The following RAB38 variants were observed in gnomAD, a reference collection of about 807,000 sequenced individuals.
RAB38 encodes the protein ras-related protein Rab-38.
Under a neutral mutation model 18.4 loss-of-function variants are expected in RAB38, and 15 were observed. That is an observed-to-expected ratio of 0.82 (90% CI 0.55 to 1.26). The LOEUF (loss-of-function observed/expected upper bound fraction) is 1.26, where lower values mean the gene tolerates loss of function less well. Among genes scored for constraint, RAB38 ranks in the 50% most tolerant of loss-of-function variants. The pLI, the probability that RAB38 is intolerant of heterozygous loss-of-function variation, is 0.00. For missense variants in RAB38, 294 were observed against 267.4 expected, an observed-to-expected ratio of 1.10 and a Z score of -0.69; for synonymous variants, 101 against 104.4, an observed-to-expected ratio of 0.97 and a Z score of 0.20.
At chr11:87,977,355 T>C in the RAB38 span, among the ~76,000 whole-genome samples, 222 of 114,534 alleles carry the variant, frequency 1.9e-3, 3 homozygotes, top group East Asian at 5.0e-3. Flanking sequence ...ATATATTATA[T>C]AAGTATATTA....
the RAB38 span, among the ~76,000 whole-genome samples, chr11:88,053,789 A>C: frequency 1.4e-5 from 2 of 147,800 alleles, no homozygotes; most frequent in Non-Finnish European, 3.0e-5. Context: ...AAAGGACTTA[A>C]GCTTTTTTTT....
the RAB38 span, among the ~76,000 whole-genome samples, chr11:88,030,287 A>G: frequency 6.6e-6 from 1 of 152,232 alleles, no homozygotes; most frequent in Non-Finnish European, 1.5e-5. Context: ...GAGAGATCTA[A>G]AATTGTCAAC....
chr11:88,027,512 C>G, the RAB38 span, among the ~76,000 whole-genome samples: 45 of 152,324 alleles, frequency 3.0e-4, no homozygotes, highest in African/African-American at 1.1e-3. Flanking sequence ...TTGGGTCACT[C>G]CCACCTGAAT....
chr11:87,857,833 G>A, the RAB38 span, among the ~76,000 whole-genome samples: 4 of 151,882 alleles, frequency 2.6e-5, no homozygotes, highest in African/African-American at 4.8e-5. Context: ...CTCTGATGGT[G>A]GTTTCTTTTG....
At chr11:88,163,476 T>C (rs1481931201) in intron 1 of RAB38, among the ~76,000 whole-genome samples, 1 of 152,118 alleles carries the variant, frequency 6.6e-6, no homozygotes, top group Non-Finnish European at 1.5e-5. Context: ...CAAACTCTTT[T>C]AGCAATTTCC....
chr11:88,126,520 G>A (rs545275280), intron 2 of RAB38, among the ~76,000 whole-genome samples: 1 of 152,080 alleles, frequency 6.6e-6, no homozygotes, highest in Non-Finnish European at 1.5e-5. Flanking sequence ...TTGGACCCAG[G>A]AAGGGGAACA....
At chr11:87,835,333 T>C in the RAB38 span, among the ~76,000 whole-genome samples, 53 of 152,104 alleles carry the variant, frequency 3.5e-4, no homozygotes, top group African/African-American at 1.2e-3. Flanking sequence ...CTGGCTATAC[T>C]TGTGGTCACT....
the RAB38 span, among the ~76,000 whole-genome samples, chr11:88,032,316 A>T: frequency 6.6e-6 from 1 of 152,258 alleles, no homozygotes; most frequent in Non-Finnish European, 1.5e-5. Context: ...GGACATAGGC[A>T]TGGGCAAGGA....
chr11:87,977,417 A>C, the RAB38 span, among the ~76,000 whole-genome samples: 1 of 110,922 alleles, frequency 9.0e-6, no homozygotes, highest in Non-Finnish European at 1.7e-5. Context: ...TATAAAATAT[A>C]ATTATATTAT....
At chr11:88,124,559 T>C (rs1436481482) in intron 2 of RAB38, among the ~76,000 whole-genome samples, 1 of 152,158 alleles carries the variant, frequency 6.6e-6, no homozygotes, top group Non-Finnish European at 1.5e-5. Context: ...AGATACTAGC[T>C]AACTACCAAA....
At chr11:88,075,028 T>C in the RAB38 span, among the ~76,000 whole-genome samples, 1 of 152,166 alleles carries the variant, frequency 6.6e-6, no homozygotes. Context: ...ATCTATGTAC[T>C]AAACCCTGGA....
the RAB38 span, among the ~76,000 whole-genome samples, chr11:87,955,543 G>GACTT: frequency 6.6e-6 from 1 of 152,112 alleles, no homozygotes; most frequent in African/African-American, 2.4e-5. Flanking sequence ...TAGACAATAT[G>GACTT]ACTTATCCTA....
At chr11:87,847,736 C>T in the RAB38 span, among the ~76,000 whole-genome samples, 1,068 of 151,998 alleles carry the variant, frequency 7.0e-3, 13 homozygotes, top group African/African-American at 0.024. Context: ...CTTGTTATGA[C>T]GATCAATTTA....
At chr11:88,014,179 A>G in the RAB38 span, among the ~76,000 whole-genome samples, 5 of 152,118 alleles carry the variant, frequency 3.3e-5, no homozygotes, top group Non-Finnish European at 7.4e-5. Flanking sequence ...TTACTTATAT[A>G]TACTGTCTTA....
chr11:88,057,475 A>C, the RAB38 span, among the ~76,000 whole-genome samples: 2 of 152,020 alleles, frequency 1.3e-5, no homozygotes, highest in Non-Finnish European at 2.9e-5. Flanking sequence ...AAAAAAAAAA[A>C]TGAGGGAAAA....
chr11:87,952,463 C>T, the RAB38 span, among the ~76,000 whole-genome samples: 7 of 152,172 alleles, frequency 4.6e-5, no homozygotes, highest in Admixed American at 1.3e-4. Flanking sequence ...CCACATTCTC[C>T]TCTTAACTTC....
the RAB38 span, among the ~76,000 whole-genome samples, chr11:88,064,459 C>A: frequency 4.6e-3 from 698 of 152,320 alleles, 3 homozygotes; most frequent in African/African-American, 0.016. Flanking sequence ...CTCACCCACA[C>A]AATCGCAAGT....
the RAB38 span, among the ~76,000 whole-genome samples, chr11:88,024,961 G>A: frequency 6.6e-6 from 1 of 152,040 alleles, no homozygotes; most frequent in Non-Finnish European, 1.5e-5. Context: ...CAGCACAACG[G>A]AGAGACTAGA....
At chr11:88,074,445 T>C in the RAB38 span, among the ~76,000 whole-genome samples, 1 of 152,190 alleles carries the variant, frequency 6.6e-6, no homozygotes, top group African/African-American at 2.4e-5. Context: ...GTTGATATTC[T>C]TTTCTTTCTG....
Sources: gnomAD v4.1 joint callset for allele counts (sites outside exome capture counted in the v4.1 genomes callset) on GRCh38, gnomAD v4.1.1 for gene constraint, MANE v1.5 for transcripts, NCBI Gene and HGNC (gene_info 2026-07-23, HGNC 2026-07-21) for gene names.